RB1: variants seen among roughly 807,000 people sequenced by gnomAD.
The protein encoded by RB1 is retinoblastoma-associated protein.
A neutral mutation model predicts 135.4 loss-of-function variants in RB1; 18 were observed. That is an observed-to-expected ratio of 0.13 (90% CI 0.09 to 0.20). The LOEUF (loss-of-function observed/expected upper bound fraction) is 0.20, where lower values mean the gene tolerates loss of function less well. Ranked by LOEUF, RB1 falls within the 10% of genes least tolerant of loss-of-function variation. The pLI is 1.00. For missense variants in RB1, 868 were observed against 1,110.0 expected, an observed-to-expected ratio of 0.78 and a Z score of 3.10; for synonymous variants, 365 against 373.2, an observed-to-expected ratio of 0.98 and a Z score of 0.25.
intron 17 of RB1, among the ~76,000 whole-genome samples, chr13:48,440,500 T>C (rs1408705271): frequency 6.6e-6 from 1 of 152,188 alleles, no homozygotes; most frequent in Non-Finnish European, 1.5e-5. Context: ...CATAGCCTGA[T>C]GGGCACATGA....
intron 17 of RB1, among the ~76,000 whole-genome samples, chr13:48,421,698 G>T (rs931227465): frequency 6.6e-6 from 1 of 152,182 alleles, no homozygotes; most frequent in Admixed American, 6.5e-5. Context: ...CCATCAAAAA[G>T]TGGGTGAAGG....
At chr13:48,406,824 T>A (rs974324132) in intron 17 of RB1, 3 of 152,194 alleles carry the variant, frequency 2.0e-5, no homozygotes, top group Non-Finnish European at 2.9e-5. Context: ...GAGGCTGAGG[T>A]GGGAAGATTG....
intron 2 of RB1, among the ~76,000 whole-genome samples, chr13:48,336,197 C>T (rs1358630423): frequency 6.6e-6 from 1 of 152,134 alleles, no homozygotes; most frequent in Admixed American, 6.5e-5. Context: ...ATTTTGGCCT[C>T]ATAAAATGAA....
chr13:48,317,287 A>T, intron 2 of RB1: 1 of 397,200 alleles, frequency 2.5e-6, no homozygotes, highest in Non-Finnish European at 4.5e-6. Context: ...CACAAGGGGT[A>T]GGCTGGGCAG....
rs1000340272 is a variant in RB1, at chr13:48,327,955, A to G, written c.265-14644A>G. The G allele has an allele frequency of 7.5e-6, 4 of 530,896 alleles. No individual in the cohort carries two copies. The Admixed American group carries it at 1.4e-4, about 19-fold the overall frequency. 32.9% of individuals were successfully genotyped at this position (530,896 alleles called of 1,614,324 possible). On this transcript the variant is annotated intron_variant, in intron 2 of 26. Coordinates refer to ENST00000267163, the MANE Select transcript of RB1 (RefSeq NM_000321.3). ...CTCTCATTTATTGGTGTACCACTCA[A>G]TCTTTTAAAAAGATGAAAAAGAAAA...
chr13:48,321,717 G>A (rs1039072409), intron 2 of RB1, among the ~76,000 whole-genome samples: 2 of 152,078 alleles, frequency 1.3e-5, no homozygotes, highest in African/African-American at 2.4e-5. Flanking sequence ...TTAGCTGGGC[G>A]TGGTGGCATG....
At chr13:48,350,035 T>C (rs924739648) in intron 6 of RB1, among the ~76,000 whole-genome samples, 3 of 152,078 alleles carry the variant, frequency 2.0e-5, no homozygotes, top group Non-Finnish European at 4.4e-5. Context: ...CACCCAGATA[T>C]ATAAAGCAAA....
At chr13:48,321,755 C>G (rs1952243880) in intron 2 of RB1, among the ~76,000 whole-genome samples, 1 of 152,102 alleles carries the variant, frequency 6.6e-6, no homozygotes, top group African/African-American at 2.4e-5. Flanking sequence ...ACTCTCGAGA[C>G]TGAGGCAGGA....
chr13:48,415,047 T>C (rs1948885248), intron 17 of RB1, among the ~76,000 whole-genome samples: 1 of 152,124 alleles, frequency 6.6e-6, no homozygotes, highest in African/African-American at 2.4e-5. Context: ...TTAGTAATCT[T>C]CTTTCAAATT....
At chr13:48,458,633 C>T (rs1226172028) in intron 19 of RB1, among the ~76,000 whole-genome samples, 2 of 152,040 alleles carry the variant, frequency 1.3e-5, no homozygotes, top group African/African-American at 4.8e-5. Context: ...TTTTAACAAC[C>T]CTCCAGCTAA....
chr13:48,453,793 G>A (rs1479691039), intron 18 of RB1, among the ~76,000 whole-genome samples: 4 of 152,166 alleles, frequency 2.6e-5, no homozygotes. Context: ...AAAAGAGCAG[G>A]TAGAGGAATC....
intron 2 of RB1, among the ~76,000 whole-genome samples, chr13:48,311,534 T>G (rs1170149559): frequency 6.6e-6 from 1 of 152,166 alleles, no homozygotes; most frequent in Non-Finnish European, 1.5e-5. Flanking sequence ...TGTAGGCAAT[T>G]GTAACACAAT....
intron 20 of RB1, among the ~76,000 whole-genome samples, chr13:48,460,731 T>G (rs901576983): frequency 2.0e-5 from 3 of 152,112 alleles, no homozygotes; most frequent in African/African-American, 7.2e-5. Context: ...GAGGCTGAGG[T>G]GGGCAGATCG....
chr13:48,318,731 C>T (rs1397587396), intron 2 of RB1: 1 of 646,356 alleles, frequency 1.5e-6, no homozygotes, highest in African/African-American at 1.8e-5. Context: ...GCAGCGGGTC[C>T]GGTGTTTTAG....
At chr13:48,322,858 A>G (rs902062851) in intron 2 of RB1, among the ~76,000 whole-genome samples, 6 of 152,170 alleles carry the variant, frequency 3.9e-5, no homozygotes, top group East Asian at 3.8e-4. Flanking sequence ...CATCTCTGGA[A>G]TAAGTCCCAC....
intron 7 of RB1, chr13:48,360,454 G>A: frequency 4.4e-6 from 1 of 227,598 alleles, no homozygotes; most frequent in Non-Finnish European, 8.4e-6. Flanking sequence ...TTAGGATTGG[G>A]GAAAGGCATT....
At chr13:48,433,481 G>C (rs1949150871) in intron 17 of RB1, among the ~76,000 whole-genome samples, 1 of 152,106 alleles carries the variant, frequency 6.6e-6, no homozygotes, top group Non-Finnish European at 1.5e-5. Context: ...CAGAGTACCT[G>C]CTGGAGATGA....
chr13:48,395,052 C>G (rs1016054685), intron 17 of RB1, among the ~76,000 whole-genome samples: 1 of 150,750 alleles, frequency 6.6e-6, no homozygotes, highest in Admixed American at 6.6e-5. Context: ...GAGGAAGGAA[C>G]AGGCAGCAAT....
intron 2 of RB1, among the ~76,000 whole-genome samples, chr13:48,333,478 G>A (rs1426081748): frequency 6.6e-6 from 1 of 152,058 alleles, no homozygotes; most frequent in Non-Finnish European, 1.5e-5. Flanking sequence ...TTTGGGCTTT[G>A]AGCTCAATAA....
Sources: allele counts gnomAD v4.1 joint callset (sites outside exome capture counted in the v4.1 genomes callset), GRCh38; gene constraint gnomAD v4.1.1; transcripts MANE v1.5; gene names NCBI Gene and HGNC (gene_info 2026-07-23, HGNC 2026-07-21).